The following VPS13C variants were observed in gnomAD, a reference collection of about 807,000 sequenced individuals.
VPS13C encodes vacuolar protein sorting 13 homolog C.
In VPS13C, 358 loss-of-function variants were observed where a neutral mutation model predicts 456.8. The ratio of observed to expected loss-of-function variants is 0.78; its 90% CI spans 0.72 to 0.86. The LOEUF is 0.86. Ranked by LOEUF, VPS13C falls within the 40% of genes least tolerant of loss-of-function variation. VPS13C has a pLI of 0.00. For missense variants in VPS13C, 4,818 were observed against 4,385.4 expected, an observed-to-expected ratio of 1.10 and a Z score of -2.79; for synonymous variants, 1,578 against 1,486.7, an observed-to-expected ratio of 1.06 and a Z score of -1.41.
At chr15:61,941,642 T>C (rs1567029210) in intron 46 of VPS13C, 121 bp downstream of exon 46, 1 of 1,092,852 alleles carries the variant, frequency 9.2e-7, no homozygotes, top group Non-Finnish European at 1.3e-6. Flanking sequence ...GGTCAAGGTT[T>C]CATAATTAGA....
chr15:61,854,797 G>T, intron 84 of VPS13C, 74 bp downstream of exon 84: 1 of 1,278,886 alleles, frequency 7.8e-7, no homozygotes, highest in Non-Finnish European at 1.1e-6. Flanking sequence ...AGAAATAATG[G>T]TATTCATTAT....
Position 61,907,292 on chromosome 15 carries a change from G to C in VPS13C, c.9077C>G (p.Ala3026Gly). Reference sequence around the variant, plus strand: ...TAACAGATCATGTTCCCCAACATTTGCTGCATATGTCCATGTAAGTTTTCT... The same window carrying C: ...TAACAGATCATGTTCCCCAACATTTCCTGCATATGTCCATGTAAGTTTTCT... Reference protein sequence around the residue: ...GTRKLTWTYAANVGEHDLLKD... With the variant: ...GTRKLTWTYAGNVGEHDLLKD... The change falls in exon 66 of 85, where the codon GCA becomes GGA. Residue 3026 changes from alanine (A) to glycine (G), a missense_variant. Physicochemically the swap from Ala to Gly is moderately conservative, Grantham distance 60. Coordinates refer to ENST00000644861, the MANE Select transcript of VPS13C (RefSeq NM_020821.3). The C allele has an allele frequency of 6.2e-7, 1 of 1,613,928 alleles. No homozygotes were observed. The highest frequency in any genetic ancestry group is 8.5e-7 in the Non-Finnish European group (1 of 1,179,830).
At chr15:62,022,232 T>C (rs2047488733) in intron 8 of VPS13C, among the ~76,000 whole-genome samples, 1 of 151,842 alleles carries the variant, frequency 6.6e-6, no homozygotes, top group Non-Finnish European at 1.5e-5. Context: ...ACCCTAAATA[T>C]ACTAGGTTTT....
rs1895952007 is a variant in VPS13C at position 61,882,697 on chromosome 15, T to C, written c.9523A>G (p.Ile3175Val). 6.3e-7 allele frequency: 1 copy of C among 1,592,592 alleles called. No individual in the cohort carries two copies. The highest frequency in any genetic ancestry group is 8.5e-7 in the Non-Finnish European group (1 of 1,170,978). Residue 3175 changes from isoleucine to valine, a missense_variant, in exon 69 of 85, where the codon ATT (isoleucine) becomes GTT (valine). Physicochemically the swap from Ile to Val is conservative, Grantham distance 29. Transcript: ENST00000644861. ...AAGTCTCGTTTAATAGGGCTACGAATAGGGAGGCGCATTTCCATTGGATCT... is the reference window on the plus strand; with the variant it reads ...AAGTCTCGTTTAATAGGGCTACGAACAGGGAGGCGCATTTCCATTGGATCT... ...DKDPMEMRLPIRSPIKRDFLS... is the reference protein window; with the variant it reads ...DKDPMEMRLPVRSPIKRDFLS...
chr15:61,975,503 C>A (rs2045676446), intron 24 of VPS13C, among the ~76,000 whole-genome samples: 2 of 152,010 alleles, frequency 1.3e-5, no homozygotes, highest in Admixed American at 6.6e-5. Context: ...CAGTTTTATG[C>A]CAATACATTC....
At chr15:61,917,746 T>C (rs1456380911) in intron 59 of VPS13C, 111 bp from the exon 60 acceptor site, 2 of 1,238,774 alleles carry the variant, frequency 1.6e-6, no homozygotes, top group African/African-American at 3.0e-5. Context: ...ATTCCTGTTT[T>C]TACAGATATA....
rs1895477161 is a variant in VPS13C, at chr15:61,877,052, A to T, written c.10145T>A (p.Leu3382His). 6.2e-7 allele frequency: 1 copy of T among 1,601,766 alleles called. No individual in the cohort carries two copies. Among genetic ancestry groups the T allele is most frequent in the South Asian group, 1.1e-5 (1 of 88,896 alleles). ...CTGATATCGAATTTCATAATAAGCA[A>T]GTCTGGGAGGAGAAAAAGGAAAGAT... ...LTDVDDLIFK[L>H]AYYEIRYQFY... Residue 3382 changes from leucine to histidine, a missense_variant and splice_region_variant, in exon 75 of 85, where the codon CTT becomes CAT. Physicochemically the swap from Leu to His is moderately conservative, Grantham distance 99. Around this residue, in one of 3 missense-constraint regions of VPS13C, gnomAD observed 4,552 missense variants for 4,130.6 expected, o/e 1.10. Coordinates refer to ENST00000644861, the MANE Select transcript of VPS13C (RefSeq NM_020821.3).
At chr15:61,907,449 T>A in intron 65 of VPS13C, 59 bp from the exon 66 acceptor site, 1 of 1,576,412 alleles carries the variant, frequency 6.3e-7, no homozygotes, top group South Asian at 1.2e-5. Flanking sequence ...AACCCAAACC[T>A]GTAGTTTACT....
chr15:62,002,789 T>C (rs1171896579), intron 15 of VPS13C, among the ~76,000 whole-genome samples: 1 of 152,224 alleles, frequency 6.6e-6, no homozygotes, highest in Non-Finnish European at 1.5e-5. Context: ...CCTTTCCCCA[T>C]TGCTTGTTTT....
chr15:61,894,223 G>C (rs1396305124), intron 66 of VPS13C, among the ~76,000 whole-genome samples: 2 of 151,858 alleles, frequency 1.3e-5, no homozygotes, highest in African/African-American at 4.8e-5. Context: ...CAGGGGAATT[G>C]CTTGAACCAA....
At chr15:61,973,238 A>G (rs986803071) in intron 26 of VPS13C, among the ~76,000 whole-genome samples, 4 of 152,154 alleles carry the variant, frequency 2.6e-5, no homozygotes, top group South Asian at 2.1e-4. Context: ...AGCATTGTCA[A>G]CTACAAAAAA....
Position 61,873,409 on chromosome 15 carries a change from C to T in VPS13C, c.10415G>A (p.Gly3472Asp). 6.2e-7 allele frequency: 1 copy of T among 1,613,216 alleles called. No individual in the cohort carries two copies. The highest frequency in any genetic ancestry group is 8.5e-7 in the Non-Finnish European group (1 of 1,179,532). ...GVRSLFGHTV[G>D]GAAGVVSRIT... is the part of the protein sequence containing the mutation. ...TCGAGATACAACTCCTGCTGCACCA[C>T]CTATCAAAGACAAGGGATTAATTTC... The change falls in exon 78 of 85, where the codon GGT becomes GAT. Residue 3472 changes from glycine to aspartate, a missense_variant and splice_region_variant. Around this residue, in one of 3 missense-constraint regions of VPS13C, gnomAD observed 4,552 missense variants for 4,130.6 expected, o/e 1.10. Transcript: ENST00000644861.
At chr15:61,977,225 T>C (rs768392966) in intron 23 of VPS13C, 26 bp from the exon 24 acceptor site, 1 of 1,359,530 alleles carries the variant, frequency 7.4e-7, no homozygotes, top group Non-Finnish European at 9.9e-7. Context: ...TAAGATATTA[T>C]TTATTATTTT....
intron 52 of VPS13C, 77 bp downstream of exon 52, chr15:61,927,014 C>T: frequency 7.7e-7 from 1 of 1,294,766 alleles, no homozygotes; most frequent in Non-Finnish European, 1.1e-6. Context: ...CTGCAGAGCT[C>T]TCATATTCTA....
At chr15:62,004,744 G>T (rs1035912448) in intron 15 of VPS13C, among the ~76,000 whole-genome samples, 2 of 150,310 alleles carry the variant, frequency 1.3e-5, no homozygotes, top group African/African-American at 4.9e-5. Flanking sequence ...TGGTTTCAAA[G>T]AACATCTTTA....
chr15:62,003,269 C>G (rs1328971533), intron 15 of VPS13C, among the ~76,000 whole-genome samples: 1 of 150,858 alleles, frequency 6.6e-6, no homozygotes, highest in Non-Finnish European at 1.5e-5. Flanking sequence ...GTATTTTATT[C>G]TCTTTGAATC....
rs763368309 is a variant in VPS13C at position 61,936,645 on chromosome 15, C to T, written c.5707G>A (p.Val1903Ile). ...GAAACATCAACTTTTCTCACTCTTACAGTCTCCTGCACAGACTGTGTAGGG... is the reference window on the plus strand; with the variant it reads ...GAAACATCAACTTTTCTCACTCTTATAGTCTCCTGCACAGACTGTGTAGGG... Reference protein sequence around the residue: ...PSPTQSVQETVRVRKVDVSSV... With the variant: ...PSPTQSVQETIRVRKVDVSSV... The change falls in exon 48 of 85, where the codon GTA becomes ATA. Residue 1903 changes from valine (V) to isoleucine (I), a missense_variant. Around this residue, in one of 3 missense-constraint regions of VPS13C, gnomAD observed 4,552 missense variants for 4,130.6 expected, o/e 1.10. Coordinates refer to ENST00000644861, the MANE Select transcript of VPS13C (RefSeq NM_020821.3). The T allele has an allele frequency of 4.4e-6, 7 of 1,597,206 alleles. No homozygotes were observed. Among genetic ancestry groups the T allele is most frequent in the African/African-American group, 2.7e-5 (2 of 74,010 alleles).
In VPS13C at chr15:61,920,636, G is replaced by T; in HGVS notation, c.7074C>A (p.Asn2358Lys). Residue 2358 changes from asparagine (N) to lysine (K), a missense_variant, in exon 56 of 85, where the codon AAC becomes AAA. Transcript: ENST00000644861. The stretch of plus-strand genomic sequence containing the variant: ...GCAGCAAACTTTTATCCTGAACTGG[G>T]TTCTTCTTTACCTATGAAGAAAAAT... ...QWNLRLDVKK[N>K]PVQDKSLLPG... 2 of 1,570,278 alleles carry T rather than the reference G, an allele frequency of 1.3e-6. No individual in the cohort carries two copies. The highest frequency in any genetic ancestry group is 1.2e-5 in the South Asian group (1 of 83,052).
chr15:61,960,498 G>A (rs1019316699), intron 35 of VPS13C, among the ~76,000 whole-genome samples: 4 of 152,028 alleles, frequency 2.6e-5, no homozygotes, highest in Non-Finnish European at 5.9e-5. Flanking sequence ...GTATTACATC[G>A]ATATTAAATT....
Sources: allele counts gnomAD v4.1 joint callset (sites outside exome capture counted in the v4.1 genomes callset), GRCh38; gene constraint gnomAD v4.1.1; regional missense constraint gnomAD v4.1.1; transcripts MANE v1.5; gene names NCBI Gene and HGNC (gene_info 2026-07-23, HGNC 2026-07-21).